The following CSMD3 variants were observed in gnomAD, a reference collection of about 807,000 sequenced individuals.
CSMD3 encodes the protein CUB and sushi domain-containing protein 3.
CSMD3 carries 177 observed loss-of-function variants against 435.2 expected under a neutral mutation model. The ratio of observed to expected loss-of-function variants is 0.41; its 90% confidence interval spans 0.36 to 0.46. The LOEUF (loss-of-function observed/expected upper bound fraction) is 0.46, where lower values mean the gene tolerates loss of function less well. CSMD3 is among the 20% of genes least tolerant of loss of function. The probability of loss-of-function intolerance (pLI) is 0.34; values close to 1 mark genes in which losing one functional copy is unlikely to be tolerated. For missense variants in CSMD3, 4,265 were observed against 4,504.6 expected, an observed-to-expected ratio of 0.95 and a Z score of 1.52; for synonymous variants, 1,656 against 1,520.5, an observed-to-expected ratio of 1.09 and a Z score of -2.07.
intron 5 of CSMD3, among the ~76,000 whole-genome samples, chr8:113,030,424 A>C (rs1289887397): frequency 2.0e-5 from 2 of 98,484 alleles, no homozygotes; most frequent in South Asian, 7.3e-4. Context: ...TGGTAAAAAA[A>C]AAAAAAAAAA....
intron 12 of CSMD3, among the ~76,000 whole-genome samples, chr8:112,806,848 C>T (rs1372496926): frequency 2.0e-5 from 3 of 152,198 alleles, no homozygotes; most frequent in African/African-American, 7.2e-5. Flanking sequence ...ATTCTATGTT[C>T]TTCTTCTGTG....
At chr8:112,430,340 T>C (rs756046940) in intron 32 of CSMD3, among the ~76,000 whole-genome samples, 5 of 152,026 alleles carry the variant, frequency 3.3e-5, no homozygotes, top group Admixed American at 6.6e-5. Context: ...TTCCCAAAGA[T>C]AGATACATTA....
Position 112,305,059 on chromosome 8 carries a change from G to T in CSMD3, c.8072-144C>A, listed in dbSNP as rs866133270. 3.1e-5 allele frequency: 22 copies of T among 705,010 alleles called. No homozygotes were observed. The African/African-American group carries it at 3.2e-4, about 10-fold the overall frequency. 43.7% of individuals were successfully genotyped at this position (705,010 alleles called of 1,614,324 possible). On this transcript the variant is annotated intron_variant, in intron 51 of 70. Coordinates refer to ENST00000297405, the MANE Select transcript of CSMD3 (RefSeq NM_198123.2). The stretch of plus-strand genomic sequence containing the variant: ...CATTTGTTCTTTATTTCTTTTGCAT[G>T]TTGATATTTTCCATTCCCCTAGCTA...
At chr8:113,018,861 T>G in intron 6 of CSMD3, 1 of 569,224 alleles carries the variant, frequency 1.8e-6, no homozygotes, top group South Asian at 2.2e-5. Context: ...TATTCATTAT[T>G]CTGAATATTA....
intron 1 of CSMD3, among the ~76,000 whole-genome samples, chr8:113,425,976 T>C (rs1000253556): frequency 1.1e-4 from 17 of 151,662 alleles, no homozygotes; most frequent in African/African-American, 4.1e-4. Flanking sequence ...TCCAGATTTC[T>C]CCATATATGT....
At position 112,295,853 on chromosome 8, in the gene CSMD3, C is replaced by T. The variant is rs1320622811; in HGVS notation, c.8594G>A (p.Gly2865Asp). 6.2e-7 allele frequency: 1 copy of T among 1,613,800 alleles called. No individual in the cohort carries two copies. The highest frequency in any genetic ancestry group is 8.5e-7 in the Non-Finnish European group (1 of 1,179,940). ...RICQQDHNWS[G>D]QLPSCVPVSC... is the part of the protein sequence containing the mutation. ...CTTACGCACACAGGATGGGAGCTGA[C>T]CAGACCAATTGTGATCCTGTTGACA... Residue 2865 changes from glycine (G) to aspartate (D), a missense_variant, in exon 54 of 71, where the codon GGT becomes GAT. By Grantham distance (94) the Gly-to-Asp change is moderately conservative. Around this residue, in one of 3 missense-constraint regions of CSMD3, gnomAD observed 3,255 missense variants for 3,380.2 expected, o/e 0.96. Coordinates refer to ENST00000297405, the MANE Select transcript of CSMD3 (RefSeq NM_198123.2).
intron 13 of CSMD3, among the ~76,000 whole-genome samples, chr8:112,730,313 C>G (rs2077048638): frequency 6.6e-6 from 1 of 152,064 alleles, no homozygotes; most frequent in South Asian, 2.1e-4. Context: ...ATTAAGGTCA[C>G]TGACTGAGAA....
intron 43 of CSMD3, among the ~76,000 whole-genome samples, chr8:112,337,058 T>TAGATCATTA (rs1824640989): frequency 6.6e-6 from 1 of 152,194 alleles, no homozygotes; most frequent in Non-Finnish European, 1.5e-5. Context: ...TAATGATCAC[T>TAGATCATTA]AGATTAGTAA....
intron 3 of CSMD3, among the ~76,000 whole-genome samples, chr8:113,199,394 T>C (rs2092693950): frequency 6.6e-6 from 1 of 151,776 alleles, no homozygotes; most frequent in South Asian, 2.1e-4. Flanking sequence ...ACCAAGTAGA[T>C]TACTGTTGAT....
chr8:112,602,281 C>T (rs867695498), intron 22 of CSMD3, among the ~76,000 whole-genome samples: 2 of 152,030 alleles, frequency 1.3e-5, no homozygotes, highest in South Asian at 4.1e-4. Flanking sequence ...GGGATTGACT[C>T]TCTATGCATT....
intron 59 of CSMD3, among the ~76,000 whole-genome samples, chr8:112,268,698 G>A (rs1246015429): frequency 1.3e-5 from 2 of 152,112 alleles, no homozygotes; most frequent in Non-Finnish European, 1.5e-5. Context: ...ATGCAGCAAC[G>A]AAAATGCTTG....
chr8:112,948,919 T>C (rs988147384), intron 8 of CSMD3, among the ~76,000 whole-genome samples: 2 of 152,024 alleles, frequency 1.3e-5, no homozygotes. Context: ...TTTTGGTTTT[T>C]ATTTTAAAGA....
At chr8:112,505,432 G>C (rs1195684729) in intron 29 of CSMD3, among the ~76,000 whole-genome samples, 2 of 152,098 alleles carry the variant, frequency 1.3e-5, no homozygotes, top group Non-Finnish European at 2.9e-5. Flanking sequence ...ATTAAACTTT[G>C]ATGGTAATTA....
intron 10 of CSMD3, among the ~76,000 whole-genome samples, chr8:112,896,213 A>G (rs1410884517): frequency 6.6e-6 from 1 of 151,390 alleles, no homozygotes; most frequent in African/African-American, 2.4e-5. Context: ...CCTACATAGA[A>G]AGTCCACATG....
At chr8:112,553,238 G>T (rs1403590259) in intron 25 of CSMD3, among the ~76,000 whole-genome samples, 1 of 151,816 alleles carries the variant, frequency 6.6e-6, no homozygotes, top group Non-Finnish European at 1.5e-5. Context: ...TTTTTTATTA[G>T]ATTCCTTACT....
intron 1 of CSMD3, among the ~76,000 whole-genome samples, chr8:113,349,746 T>C (rs2094176917): frequency 6.6e-6 from 1 of 152,158 alleles, no homozygotes; most frequent in East Asian, 1.9e-4. Context: ...GAAAGGAGAA[T>C]ATCTACTTTC....
At chr8:113,181,156 T>A (rs1445626905) in intron 3 of CSMD3, among the ~76,000 whole-genome samples, 2 of 151,920 alleles carry the variant, frequency 1.3e-5, no homozygotes, top group Non-Finnish European at 2.9e-5. Context: ...GAAAATAGAT[T>A]ATTGGATTGA....
At chr8:112,374,615 C>T (rs1327629416) in intron 38 of CSMD3, among the ~76,000 whole-genome samples, 1 of 152,008 alleles carries the variant, frequency 6.6e-6, no homozygotes, top group Non-Finnish European at 1.5e-5. Context: ...TTTTGTAGTG[C>T]TGGTATTTTT....
At chr8:113,341,814 C>T (rs572914590) in intron 1 of CSMD3, among the ~76,000 whole-genome samples, 50 of 152,168 alleles carry the variant, frequency 3.3e-4, no homozygotes, top group Admixed American at 9.2e-4. Context: ...ATTGGTCCAC[C>T]GGCATTGTCT....
Sources: allele counts gnomAD v4.1 joint callset (sites outside exome capture counted in the v4.1 genomes callset), GRCh38; gene constraint gnomAD v4.1.1; regional missense constraint gnomAD v4.1.1; transcripts MANE v1.5; gene names NCBI Gene and HGNC (gene_info 2026-07-23, HGNC 2026-07-21).